PAFAH1B1: variants seen among roughly 807,000 people sequenced by gnomAD.
PAFAH1B1 encodes platelet activating factor acetylhydrolase 1b regulatory subunit 1.
PAFAH1B1 carries 2 observed loss-of-function variants against 57.5 expected under a neutral mutation model. That is an observed-to-expected ratio of 0.03 (90% CI 0.01 to 0.11). The LOEUF is 0.11. Among genes scored for constraint, PAFAH1B1 ranks in the 10% least tolerant of loss-of-function variants. The pLI, the probability that PAFAH1B1 is intolerant of heterozygous loss-of-function variation, is 1.00. For synonymous variants in PAFAH1B1, 152 were observed against 169.6 expected (o/e 0.90, Z 0.81); for missense variants, 257 against 512.0 (o/e 0.50, Z 4.81).
chr17:2,644,246 T>G, intron 2 of PAFAH1B1, among the ~76,000 whole-genome samples: 1 of 152,004 alleles, frequency 6.6e-6, no homozygotes, highest in East Asian at 1.9e-4. Context: ...ATTTTTCTTT[T>G]TAAAACAGTT....
intron 2 of PAFAH1B1, 124 bp from the exon 3 acceptor site, chr17:2,665,248 T>C: frequency 1.5e-6 from 1 of 681,950 alleles, no homozygotes; most frequent in East Asian, 2.7e-5. Flanking sequence ...AATACTTGTA[T>C]GATTTGAAAG....
chr17:2,638,142 G>A lies in PAFAH1B1; in HGVS notation c.-147G>A. The A allele has an allele frequency of 3.3e-6, 2 of 609,216 alleles. No homozygotes were observed. The highest frequency in any genetic ancestry group is 5.9e-6 in the Non-Finnish European group (2 of 337,308). The allele number at this position is 609,216 out of a possible 1,614,324, so 37.7% of individuals were successfully genotyped here. On this transcript the variant is annotated 5_prime_UTR_variant, in exon 2 of 11. Transcript: ENST00000397195. ...GTTGAATATCTTCTGGTTACTAGTT[G>A]GATTCATTTGTGAAAGAATCATTTT... is the stretch of plus-strand genomic sequence containing the variant.
chr17:2,627,378 T>C (rs1303363136), intron 1 of PAFAH1B1, among the ~76,000 whole-genome samples: 1 of 152,154 alleles, frequency 6.6e-6, no homozygotes, highest in African/African-American at 2.4e-5. Flanking sequence ...GTTTGTTTGC[T>C]TTGTTGAAGA....
intron 6 of PAFAH1B1, 63 bp downstream of exon 6, chr17:2,670,394 G>A (rs993339286): frequency 1.4e-6 from 2 of 1,383,856 alleles, no homozygotes; most frequent in African/African-American, 2.8e-5. Context: ...AAGGAATATT[G>A]TTTCTAACAG....
intron 5 of PAFAH1B1, chr17:2,667,407 A>G (rs760933349): frequency 6.4e-5 from 33 of 518,038 alleles, no homozygotes; most frequent in Non-Finnish European, 9.0e-5. Context: ...GAAGAGGGAC[A>G]GGAGGTACTC....
At chr17:2,638,345 A>C in intron 2 of PAFAH1B1, 25 bp downstream of exon 2, 1 of 1,596,390 alleles carries the variant, frequency 6.3e-7, no homozygotes, top group African/African-American at 1.3e-5. Context: ...TTTGTGCTTT[A>C]AAAAAAATCT....
At position 2,633,337 on chromosome 17, in the gene PAFAH1B1, T is replaced by G. The variant is rs187705408; in HGVS notation, c.-190-4762T>G. 7.4e-3 allele frequency among the ~76,000 whole-genome samples: 1,120 copies of G among 151,888 alleles called. 10 individuals are homozygous for G. Among genetic ancestry groups the G allele is most frequent in the African/African-American group, 0.024 (1,000 of 41,432 alleles). On this transcript the variant is annotated intron_variant, in intron 1 of 10. Transcript: ENST00000397195. ...TGCCTGCTGCCACAACCAGCTAATT[T>G]TTGTATTTTTAGTAGAGATGGGGTT...
intron 1 of PAFAH1B1, among the ~76,000 whole-genome samples, chr17:2,615,902 G>A (rs1045928446): frequency 1.1e-4 from 17 of 152,162 alleles, no homozygotes; most frequent in Admixed American, 1.0e-3. Flanking sequence ...AGGTGATAAG[G>A]TAGACAGACT....
chr17:2,656,341 T>C (rs959173849), intron 2 of PAFAH1B1, among the ~76,000 whole-genome samples: 3 of 152,060 alleles, frequency 2.0e-5, no homozygotes, highest in African/African-American at 7.2e-5. Context: ...TTCCAGCTAC[T>C]CAGGAGGCTG....
chr17:2,675,699 G>C (rs143488431), intron 8 of PAFAH1B1, among the ~76,000 whole-genome samples: 13 of 151,584 alleles, frequency 8.6e-5, no homozygotes, highest in Non-Finnish European at 1.5e-4. Flanking sequence ...AACTTAGCTA[G>C]GTGTGGTGGT....
chr17:2,598,852 C>T (rs2068111357), intron 1 of PAFAH1B1, among the ~76,000 whole-genome samples: 2 of 152,082 alleles, frequency 1.3e-5, no homozygotes, highest in Admixed American at 1.3e-4. Flanking sequence ...TGGCATGGCA[C>T]TTTTTGGCTA....
In PAFAH1B1 at chr17:2,675,870, C is replaced by CA. The variant is rs1308332941; in HGVS notation, c.901-628dup. Among the ~76,000 whole-genome samples, 5 of 151,498 alleles carry CA rather than the reference C, an allele frequency of 3.3e-5. No homozygotes were observed. In the East Asian group the frequency reaches 7.7e-4, roughly 23 times the overall value. On this transcript the variant is annotated intron_variant, in intron 8 of 10. Transcript: ENST00000397195. ...TAAATAAATATTCCCTAATCCAGATCAAAAAAATAAATAAGTAAATTTGGT... is the reference window on the plus strand; with the variant it reads ...TAAATAAATATTCCCTAATCCAGATCAAAAAAAATAAATAAGTAAATTTGGT...
rs917449806 is a variant in PAFAH1B1, at chr17:2,683,302, C to A, written c.*1500C>A. On this transcript the variant is annotated 3_prime_UTR_variant, in exon 11 of 11. Coordinates refer to ENST00000397195, the MANE Select transcript of PAFAH1B1 (RefSeq NM_000430.4). ...AGAATTCCATTGCTTAGCTAACCAA[C>A]AGGTTTTTTTTGTTTCCAAGAGAGT... 7 of 152,160 alleles carry A rather than the reference C, an allele frequency of 4.6e-5. No individual in the cohort carries two copies. Among genetic ancestry groups the A allele is most frequent in the African/African-American group, 1.7e-4 (7 of 41,448 alleles). 9.4% of individuals were successfully genotyped at this position (152,160 alleles called of 1,614,324 possible). A position where few individuals can be genotyped will look rare whatever the true frequency, so the allele number is the denominator to read the frequency against.
Position 2,672,622 on chromosome 17 carries a change from T to G in PAFAH1B1, c.569-33T>G, listed in dbSNP as rs1259364840. 33 of 1,367,958 alleles carry G rather than the reference T, an allele frequency of 2.4e-5. 1 individual carries two copies. In the East Asian group the frequency reaches 7.6e-4, roughly 31 times the overall value. The allele number at this position is 1,367,958 out of a possible 1,614,324, so 84.7% of individuals were successfully genotyped here. A position where few individuals can be genotyped will look rare whatever the true frequency, so the allele number is the denominator to read the frequency against. On this transcript the variant is annotated intron_variant, in intron 6 of 10. Coordinates refer to ENST00000397195, the MANE Select transcript of PAFAH1B1 (RefSeq NM_000430.4). ...TGTTTCATTGCTCTTGGTGGTATAT[T>G]ACTTCATAATATATTGCTGTTATGT...
At chr17:2,616,585 A>G (rs1172279187) in intron 1 of PAFAH1B1, among the ~76,000 whole-genome samples, 3 of 152,180 alleles carry the variant, frequency 2.0e-5, no homozygotes, top group Non-Finnish European at 4.4e-5. Context: ...TTATAAAGAT[A>G]ATTGACTTTA....
At chr17:2,674,394 G>A in intron 8 of PAFAH1B1, 106 bp downstream of exon 8, 1 of 794,426 alleles carries the variant, frequency 1.3e-6, no homozygotes. Flanking sequence ...TTAAAAATCT[G>A]CATCCAGCAA....
At position 2,622,207 on chromosome 17, in the gene PAFAH1B1, C is replaced by T. The variant is rs184496181; in HGVS notation, c.-190-15892C>T. ...TGGTCCCTCCATATCTCATGTCCTC[C>T]CTTTCAAAACCAATCTTGCCTTCCC... is the stretch of plus-strand genomic sequence containing the variant. On this transcript the variant is annotated intron_variant, in intron 1 of 10. Coordinates refer to ENST00000397195, the MANE Select transcript of PAFAH1B1 (RefSeq NM_000430.4). Among the ~76,000 whole-genome samples, 824 of 152,226 alleles carry T rather than the reference C, an allele frequency of 5.4e-3. 6 individuals are homozygous for T. Among genetic ancestry groups the T allele is most frequent in the South Asian group, 0.016 (78 of 4,818 alleles).
intron 1 of PAFAH1B1, among the ~76,000 whole-genome samples, chr17:2,594,923 G>A (rs531972552): frequency 2.4e-4 from 36 of 152,304 alleles, no homozygotes; most frequent in African/African-American, 8.4e-4. Flanking sequence ...TAGCAGTAGA[G>A]GGGAAGAGGT....
chr17:2,638,351 A>C, intron 2 of PAFAH1B1, 31 bp downstream of exon 2: 1 of 1,592,824 alleles, frequency 6.3e-7, no homozygotes, highest in East Asian at 2.2e-5. Flanking sequence ...CTTTAAAAAA[A>C]ATCTCCCTCA....
Sources: gnomAD v4.1 joint callset for allele counts (sites outside exome capture counted in the v4.1 genomes callset) on GRCh38, gnomAD v4.1.1 for gene constraint, MANE v1.5 for transcripts, NCBI Gene and HGNC (gene_info 2026-07-23, HGNC 2026-07-21) for gene names.